Variants in RPTOR observed in about 807,000 individuals in gnomAD.
The protein encoded by RPTOR is regulatory associated protein of MTOR complex 1.
Under a neutral mutation model 169.9 loss-of-function variants are expected in RPTOR, and 21 were observed. The observed-to-expected ratio is 0.12, with a 90% CI of 0.09 to 0.18. The LOEUF (loss-of-function observed/expected upper bound fraction) is 0.18, where lower values mean the gene tolerates loss of function less well. Among genes scored for constraint, RPTOR ranks in the 10% least tolerant of loss-of-function variants. The pLI is 1.00. For synonymous variants in RPTOR, 732 were observed against 753.2 expected, an observed-to-expected ratio of 0.97 and a Z score of 0.46; for missense variants, 1,133 against 1,855.9, an observed-to-expected ratio of 0.61 and a Z score of 7.16.
chr17:80,724,240 C>T (rs2066311034), intron 4 of RPTOR, among the ~76,000 whole-genome samples: 1 of 151,164 alleles, frequency 6.6e-6, no homozygotes, highest in Non-Finnish European at 1.5e-5. Context: ...CCCTTGGAGC[C>T]TGTCTCCTGT....
chr17:80,799,513 G>A (rs58419250), intron 7 of RPTOR, among the ~76,000 whole-genome samples: 33,457 of 152,100 alleles, frequency 0.22, 4,043 homozygotes, highest in African/African-American at 0.31. Context: ...CTCACCACAT[G>A]GAAATTTCTT....
intron 3 of RPTOR, among the ~76,000 whole-genome samples, chr17:80,669,672 C>T (rs1211529457): frequency 6.6e-6 from 1 of 152,228 alleles, no homozygotes; most frequent in Non-Finnish European, 1.5e-5. Context: ...CGTGCGCCAC[C>T]GCGCCCGGCC....
chr17:80,628,154 C>T (rs1432158198), intron 2 of RPTOR, among the ~76,000 whole-genome samples: 2 of 152,148 alleles, frequency 1.3e-5, no homozygotes, highest in South Asian at 4.1e-4. Context: ...ATGTTTAATT[C>T]TTTAAGGAAC....
chr17:80,962,933 C>T lies in RPTOR; in HGVS notation c.3815C>T (p.Ser1272Phe). 1 of 1,613,608 alleles carries T rather than the reference C, an allele frequency of 6.2e-7. No homozygotes were observed. Among genetic ancestry groups the T allele is most frequent in the Non-Finnish European group, 8.5e-7 (1 of 1,179,940 alleles). Residue 1272 changes from serine (S) to phenylalanine (F), a missense_variant, in exon 33 of 34, where the codon TCC becomes TTC. Physicochemically the swap from Ser to Phe is radical, Grantham distance 155. Coordinates refer to ENST00000306801, the MANE Select transcript of RPTOR (RefSeq NM_020761.3). ...GACCCTTTCTCTCCCCACAGTGGCT[C>T]CGTCAATCAGTTCACCGCCATCTAC... is the stretch of plus-strand genomic sequence containing the variant. Reference protein sequence around the residue: ...HPQADLIACGSVNQFTAIYNS... With the variant: ...HPQADLIACGFVNQFTAIYNS...
chr17:80,698,994 C>T (rs939781085), intron 3 of RPTOR, among the ~76,000 whole-genome samples: 2 of 152,210 alleles, frequency 1.3e-5, no homozygotes, highest in African/African-American at 4.8e-5. Flanking sequence ...CTGCCTCGAG[C>T]TTATGTGCAT....
chr17:80,709,180 C>T, intron 4 of RPTOR: 4 of 681,560 alleles, frequency 5.9e-6, no homozygotes, highest in Non-Finnish European at 7.2e-6. Flanking sequence ...TATCTGGATA[C>T]CAGCTTGATT....
chr17:80,800,250 G>A (rs145725935), intron 7 of RPTOR, among the ~76,000 whole-genome samples: 224 of 152,262 alleles, frequency 1.5e-3, no homozygotes, highest in Middle Eastern at 0.01. Context: ...CATTATCCTC[G>A]TCTTTGTCGG....
chr17:80,635,281 T>C (rs1422443038), intron 2 of RPTOR, among the ~76,000 whole-genome samples: 2 of 152,206 alleles, frequency 1.3e-5, no homozygotes, highest in Non-Finnish European at 1.5e-5. Context: ...CTGCACGGGC[T>C]CAGGGCCCAG....
chr17:80,918,319 G>A (rs2068698738), intron 21 of RPTOR, among the ~76,000 whole-genome samples: 1 of 152,328 alleles, frequency 6.6e-6, no homozygotes. Flanking sequence ...CTGCGGAGAT[G>A]CAGACTCCAG....
intron 9 of RPTOR, among the ~76,000 whole-genome samples, chr17:80,828,348 T>A (rs868544074): frequency 2.0e-5 from 3 of 152,216 alleles, no homozygotes; most frequent in Non-Finnish European, 4.4e-5. Flanking sequence ...CCTTGCATTT[T>A]GCAGTCAGCT....
At chr17:80,690,074 T>C (rs2873059) in intron 3 of RPTOR, among the ~76,000 whole-genome samples, 26,736 of 152,162 alleles carry the variant, frequency 0.18, 3,753 homozygotes, top group African/African-American at 0.39. Context: ...TTTGCTTCTT[T>C]ATTTGTTTTT....
chr17:80,613,924 C>G (rs2065290194), intron 1 of RPTOR, among the ~76,000 whole-genome samples: 1 of 152,220 alleles, frequency 6.6e-6, no homozygotes, highest in Non-Finnish European at 1.5e-5. Flanking sequence ...ATCTCTGCAC[C>G]CAGATGTGGC....
At position 80,964,371 on chromosome 17, in the gene RPTOR, A is replaced by G; in HGVS notation, c.*41A>G. Reference sequence around the variant, plus strand: ...CCACCAGGCCACGGCCGCCTGCTGTACATAGTGAAGCTGTCACTCGCCGGG... The same window carrying G: ...CCACCAGGCCACGGCCGCCTGCTGTGCATAGTGAAGCTGTCACTCGCCGGG... On this transcript the variant is annotated 3_prime_UTR_variant, in exon 34 of 34. Coordinates refer to ENST00000306801, the MANE Select transcript of RPTOR (RefSeq NM_020761.3). 1.3e-6 allele frequency: 2 copies of G among 1,592,660 alleles called. No homozygotes were observed. Among genetic ancestry groups the G allele is most frequent in the South Asian group, 1.1e-5 (1 of 90,908 alleles).
At chr17:80,766,375 G>T (rs1162358735) in intron 6 of RPTOR, among the ~76,000 whole-genome samples, 1 of 152,068 alleles carries the variant, frequency 6.6e-6, no homozygotes. Flanking sequence ...ATAGAGACAG[G>T]GTCTCTCCCT....
intron 6 of RPTOR, among the ~76,000 whole-genome samples, chr17:80,771,322 G>A (rs757246397): frequency 3.9e-5 from 6 of 152,126 alleles, no homozygotes; most frequent in Non-Finnish European, 5.9e-5. Flanking sequence ...CCTTCCTCAC[G>A]CTCTCCCTCT....
In RPTOR at chr17:80,562,605, G is replaced by A. The variant is rs557564932; in HGVS notation, c.162+16814G>A. On this transcript the variant is annotated intron_variant, in intron 1 of 33. Transcript: ENST00000306801. This position sits in a 1 kb window ranked among gnomAD's most constrained non-coding sequence, Gnocchi z 4.4. ...TCGAGACCAGCCTGGCCAACATGGC[G>A]AAACCCCGTCTCTACTAAAAATACA... Among the ~76,000 whole-genome samples, 11 of 152,256 alleles carry A rather than the reference G, an allele frequency of 7.2e-5. No homozygotes were observed. In the South Asian group the frequency reaches 1.5e-3, roughly 20 times the overall value.
Position 80,949,454 on chromosome 17 carries a change from A to G in RPTOR, c.3277A>G (p.Ile1093Val), listed in dbSNP as rs1161634864. The G allele has an allele frequency of 2.5e-6, 4 of 1,614,030 alleles. No individual in the cohort carries two copies. The highest frequency in any genetic ancestry group is 2.7e-5 in the African/African-American group (2 of 75,056). ...CTCTCCCTCCCCAGACGATGGTGCC[A>G]TCAGGGTCTGGAAGAATTTTGCTGA... ...LLLTATDDGA[I>V]RVWKNFADLE... The change falls in exon 28 of 34, where the codon ATC becomes GTC. Residue 1093 changes from isoleucine to valine, a missense_variant. Physicochemically the swap from Ile to Val is conservative, Grantham distance 29. Transcript: ENST00000306801.
At chr17:80,785,531 G>A (rs1211966725) in intron 6 of RPTOR, among the ~76,000 whole-genome samples, 3 of 152,186 alleles carry the variant, frequency 2.0e-5, no homozygotes, top group African/African-American at 7.2e-5. Flanking sequence ...TTCCCGACTG[G>A]TGAGTGGGTG....
At chr17:80,790,263 T>A in intron 6 of RPTOR, among the ~76,000 whole-genome samples, 1 of 152,198 alleles carries the variant, frequency 6.6e-6, no homozygotes, top group Non-Finnish European at 1.5e-5. Context: ...TTTTCTCAGC[T>A]CTTTGAACGA....
Sources: gnomAD v4.1 joint callset for allele counts (sites outside exome capture counted in the v4.1 genomes callset) on GRCh38, gnomAD v4.1.1 for gene constraint, Gnocchi (gnomAD v3.1) non-coding constraint, MANE v1.5 for transcripts, NCBI Gene and HGNC (gene_info 2026-07-23, HGNC 2026-07-21) for gene names.